Variants in XPNPEP1 observed in about 807,000 individuals in gnomAD.
XPNPEP1 encodes the protein xaa-Pro aminopeptidase 1.
XPNPEP1 carries 39 observed loss-of-function variants against 92.4 expected under a neutral mutation model. The observed-to-expected ratio is 0.42, with a 90% CI of 0.33 to 0.55. The LOEUF (loss-of-function observed/expected upper bound fraction) is 0.55, where lower values mean the gene tolerates loss of function less well. Among genes scored for constraint, XPNPEP1 ranks in the 20% least tolerant of loss-of-function variants. XPNPEP1 has a pLI of 0.08. For missense variants in XPNPEP1, 654 were observed against 856.1 expected (o/e 0.76, Z 2.95); for synonymous variants, 307 against 299.4 (o/e 1.03, Z -0.26).
At chr10:109,875,180 C>T (rs930847293) in intron 15 of XPNPEP1, among the ~76,000 whole-genome samples, 8 of 152,164 alleles carry the variant, frequency 5.3e-5, no homozygotes, top group African/African-American at 1.2e-4. Flanking sequence ...TCATAAGGCC[C>T]TGGGGCAGCT....
intron 12 of XPNPEP1, among the ~76,000 whole-genome samples, chr10:109,878,960 C>A (rs1330325340): frequency 6.6e-6 from 1 of 151,838 alleles, no homozygotes; most frequent in African/African-American, 2.4e-5. Flanking sequence ...AAATAATTTA[C>A]GGCCAGGCAC....
In XPNPEP1 at chr10:109,923,499, CGGCGCGAAGGA is replaced by C; in HGVS notation, c.-77_-67del. 1 of 1,286,966 alleles carries C rather than the reference CGGCGCGAAGGA, an allele frequency of 7.8e-7. No homozygotes were observed. Among genetic ancestry groups the C allele is most frequent in the Non-Finnish European group, 9.9e-7 (1 of 1,009,876 alleles). 79.7% of individuals were successfully genotyped at this position (1,286,966 alleles called of 1,614,324 possible). A position where few individuals can be genotyped will look rare whatever the true frequency, so the allele number is the denominator to read the frequency against. On this transcript the variant is annotated 5_prime_UTR_variant, in exon 1 of 21. Transcript: ENST00000502935. ...ACCAGCTGATCACCCGCGGAAGGGC[CGGCGCGAAGGA>C]GGCGCGAGAGCCGGCGGGCGGGCGG... is the stretch of plus-strand genomic sequence containing the variant.
intron 8 of XPNPEP1, among the ~76,000 whole-genome samples, chr10:109,885,881 C>G (rs978020792): frequency 3.9e-5 from 6 of 152,094 alleles, no homozygotes; most frequent in African/African-American, 1.4e-4. Flanking sequence ...CTTAGGAAAC[C>G]ACAGGACAAG....
intron 9 of XPNPEP1, chr10:109,883,846 C>T (rs1258490862): frequency 8.3e-6 from 4 of 481,140 alleles, no homozygotes; most frequent in Non-Finnish European, 1.5e-5. Flanking sequence ...ACTATAGACA[C>T]TTTCATGCGT....
intron 3 of XPNPEP1, among the ~76,000 whole-genome samples, chr10:109,907,174 T>C (rs574575637): frequency 6.0e-4 from 91 of 152,322 alleles, no homozygotes; most frequent in South Asian, 1.0e-3. Flanking sequence ...CACTAAACCA[T>C]AAGCCTAGTG....
At chr10:109,889,735 G>C (rs1202025549) in intron 5 of XPNPEP1, among the ~76,000 whole-genome samples, 1 of 152,122 alleles carries the variant, frequency 6.6e-6, no homozygotes, top group Non-Finnish European at 1.5e-5. Context: ...TATATTTAGA[G>C]TAAAAGTTCA....
intron 3 of XPNPEP1, among the ~76,000 whole-genome samples, chr10:109,896,426 C>A (rs1272451715): frequency 7.3e-6 from 1 of 136,554 alleles, no homozygotes; most frequent in Non-Finnish European, 1.5e-5. Flanking sequence ...CTACAGCAGG[C>A]ACACACCTTT....
chr10:109,889,694 C>T (rs1232203561), intron 5 of XPNPEP1, among the ~76,000 whole-genome samples: 1 of 152,156 alleles, frequency 6.6e-6, no homozygotes, highest in Non-Finnish European at 1.5e-5. Flanking sequence ...GAGGTTTTGG[C>T]CAAACAATTA....
At chr10:109,874,268 C>T (rs1347468015) in intron 15 of XPNPEP1, among the ~76,000 whole-genome samples, 1 of 152,140 alleles carries the variant, frequency 6.6e-6, no homozygotes, top group African/African-American at 2.4e-5. Flanking sequence ...ACGAGAGACA[C>T]TATCACTGGG....
chr10:109,884,525 G>A (rs375843154), intron 8 of XPNPEP1: 9 of 170,662 alleles, frequency 5.3e-5, no homozygotes, highest in South Asian at 1.7e-4. Context: ...GGAAGGAGAC[G>A]AGCACTCTCT....
intron 2 of XPNPEP1, among the ~76,000 whole-genome samples, chr10:109,914,312 T>C (rs1287581850): frequency 6.6e-6 from 1 of 152,250 alleles, no homozygotes; most frequent in Non-Finnish European, 1.5e-5. Flanking sequence ...CAAGCTTTTC[T>C]CATTTTGCAA....
intron 3 of XPNPEP1, among the ~76,000 whole-genome samples, chr10:109,895,592 C>A (rs190678960): frequency 6.6e-6 from 1 of 152,364 alleles, no homozygotes; most frequent in East Asian, 1.9e-4. Flanking sequence ...TATGCAGAAG[C>A]CAGACAAGCA....
At chr10:109,908,578 G>C (rs1230681809) in intron 2 of XPNPEP1, among the ~76,000 whole-genome samples, 1 of 152,148 alleles carries the variant, frequency 6.6e-6, no homozygotes, top group Admixed American at 6.5e-5. Context: ...CTCCAGCCTG[G>C]CAAAAGACCA....
At chr10:109,918,080 C>T (rs185192146) in intron 1 of XPNPEP1, among the ~76,000 whole-genome samples, 15 of 151,714 alleles carry the variant, frequency 9.9e-5, no homozygotes, top group Admixed American at 7.9e-4. Flanking sequence ...CACCACTGCA[C>T]TCCAGCTTGG....
intron 20 of XPNPEP1, among the ~76,000 whole-genome samples, chr10:109,868,113 A>G (rs1653757281): frequency 6.6e-6 from 1 of 152,210 alleles, no homozygotes; most frequent in African/African-American, 2.4e-5. Flanking sequence ...GTAGTAACCG[A>G]GAAGGGCTGG....
Position 109,907,683 on chromosome 10 carries a change from T to G in XPNPEP1, c.246+8A>C. ...AAAAGAAAGGAGAGGCCCATTGCCATGCAGTACCTGATGAGCATCTCCCGA... is the reference window on the plus strand; with the variant it reads ...AAAAGAAAGGAGAGGCCCATTGCCAGGCAGTACCTGATGAGCATCTCCCGA... On this transcript the variant is annotated splice_region_variant and intron_variant, in intron 3 of 20. Transcript: ENST00000502935. 1 of 1,614,212 alleles carries G rather than the reference T, an allele frequency of 6.2e-7. No homozygotes were observed. The highest frequency in any genetic ancestry group is 8.5e-7 in the Non-Finnish European group (1 of 1,180,028).
intron 9 of XPNPEP1, 73 bp from the exon 10 acceptor site, chr10:109,882,715 T>A: frequency 1.3e-6 from 2 of 1,500,042 alleles, no homozygotes; most frequent in Admixed American, 3.5e-5. Context: ...CAGACACACA[T>A]ACACATCAGG....
intron 7 of XPNPEP1, among the ~76,000 whole-genome samples, chr10:109,887,273 C>T (rs994613597): frequency 6.6e-6 from 1 of 152,230 alleles, no homozygotes; most frequent in African/African-American, 2.4e-5. Flanking sequence ...CTGGACCCAT[C>T]CTCCCCATTC....
chr10:109,894,015 C>T (rs1848843662), intron 3 of XPNPEP1: 1 of 152,376 alleles, frequency 6.6e-6, no homozygotes, highest in East Asian at 1.9e-4. Flanking sequence ...TGCCCACTTA[C>T]AAGTTAATAG....
Sources: allele counts gnomAD v4.1 joint callset (sites outside exome capture counted in the v4.1 genomes callset), GRCh38; gene constraint gnomAD v4.1.1; transcripts MANE v1.5; gene names NCBI Gene and HGNC (gene_info 2026-07-23, HGNC 2026-07-21).